ZNF83: variants seen among roughly 807,000 people sequenced by gnomAD.
ZNF83 encodes zinc finger protein 816B.
For synonymous variants in ZNF83, 209 were observed against 213.0 expected (o/e 0.98, Z 0.17); for missense variants, 552 against 629.9 (o/e 0.88, Z 1.32).
chr19:52,619,118 A>G, intron 2 of ZNF83: 1 of 1,586,742 alleles, frequency 6.3e-7, no homozygotes, highest in South Asian at 1.1e-5. Context: ...TTATCTTTAC[A>G]GAAAATGAGG....
upstream of ZNF83, among the ~76,000 whole-genome samples, chr19:52,639,419 T>TTTTTTC (rs1568556739): frequency 7.3e-6 from 1 of 137,714 alleles, no homozygotes; most frequent in African/African-American, 2.8e-5. Context: ...TTTTCTATTT[T>TTTTTTC]TTTTTTTTTT....
intron 2 of ZNF83, among the ~76,000 whole-genome samples, chr19:52,631,855 C>A (rs1378711854): frequency 6.6e-6 from 1 of 152,098 alleles, no homozygotes; most frequent in Non-Finnish European, 1.5e-5. Context: ...CATTTCCTTT[C>A]CATCGTGGAA....
At position 52,683,140 on chromosome 19, in the gene ZNF83, C is replaced by CAA. The variant is rs1568584662; in HGVS notation, c.-283+7302_-283+7303insTT. Among the ~76,000 whole-genome samples the CAA allele has an allele frequency of 3.3e-5, 5 of 152,162 alleles. No individual in the cohort carries two copies. The South Asian group carries it at 6.2e-4, about 19-fold the overall frequency. The stretch of plus-strand genomic sequence containing the variant: ...CCGCCTTGGCCTCCCAAAGTGCTGG[C>CAA]ATTACAGGGGTGAGCCACCACAGCC... On this transcript the variant is annotated intron_variant, in intron 1 of 5. Coordinates refer to the ZNF83 transcript ENST00000594682.
chr19:52,661,133 G>A (rs925148559), intron 1 of ZNF83, among the ~76,000 whole-genome samples: 4 of 152,058 alleles, frequency 2.6e-5, no homozygotes, highest in African/African-American at 4.8e-5. Context: ...AAAGAGCTAT[G>A]ATTACAGGGG....
chr19:52,638,685 A>G (rs2061238265), upstream of ZNF83, among the ~76,000 whole-genome samples: 2 of 152,184 alleles, frequency 1.3e-5, no homozygotes, highest in African/African-American at 4.8e-5. Context: ...AGCCCACAGA[A>G]CCGAATAGAA....
chr19:52,620,254 C>CTGTGTG (rs200450539), intron 2 of ZNF83, among the ~76,000 whole-genome samples: 24 of 134,440 alleles, frequency 1.8e-4, no homozygotes, highest in African/African-American at 6.8e-4. Flanking sequence ...GTGTGTATAT[C>CTGTGTG]TGTGTGTGTA....
chr19:52,684,868 G>A (rs2147366840), intron 1 of ZNF83, among the ~76,000 whole-genome samples: 2 of 152,324 alleles, frequency 1.3e-5, no homozygotes, highest in Non-Finnish European at 2.9e-5. Flanking sequence ...GACACTGGCA[G>A]GGGCCCTGGA....
exon 3 of ZNF83, chr19:52,614,392 C>T (rs566790486): frequency 6.2e-6 from 10 of 1,613,158 alleles, no homozygotes; most frequent in African/African-American, 1.3e-5. Context: ...AGAAGAAATA[C>T]GTTGGGGTGG....
chr19:52,672,842 C>T (rs186169508), intron 1 of ZNF83, among the ~76,000 whole-genome samples: 11 of 152,196 alleles, frequency 7.2e-5, no homozygotes, highest in African/African-American at 2.6e-4. Flanking sequence ...TTCCAAAGTG[C>T]TGGGATTACA....
At chr19:52,641,751 T>G (rs2061308865), upstream of ZNF83, among the ~76,000 whole-genome samples, 1 of 152,200 alleles carries the variant, frequency 6.6e-6, no homozygotes, top group Admixed American at 6.5e-5. Flanking sequence ...TCAATCAATT[T>G]AGAAATCTCC....
intron 1 of ZNF83, among the ~76,000 whole-genome samples, chr19:52,663,178 A>G (rs1218110272): frequency 6.6e-6 from 1 of 152,232 alleles, no homozygotes; most frequent in East Asian, 1.9e-4. Flanking sequence ...AGGAAAAAAA[A>G]AATTCCAGGA....
At chr19:52,687,475 T>TCTATATAAC (rs1491171069) in intron 1 of ZNF83, among the ~76,000 whole-genome samples, 1 of 57,454 alleles carries the variant, frequency 1.7e-5, no homozygotes, top group Non-Finnish European at 3.0e-5. Context: ...AATTTATATA[T>TCTATATAAC]CTATATAAAT....
exon 1 of ZNF83, chr19:52,638,351 G>A (rs1331230170): frequency 1.3e-5 from 2 of 151,066 alleles, no homozygotes; most frequent in Non-Finnish European, 2.9e-5. Context: ...TCCGCTTCCG[G>A]GTTTGCGCGC....
intron 1 of ZNF83, among the ~76,000 whole-genome samples, chr19:52,666,783 T>C (rs2061659680): frequency 6.6e-6 from 1 of 152,158 alleles, no homozygotes; most frequent in Non-Finnish European, 1.5e-5. Context: ...TTATTTACCA[T>C]GCAAAGGTCT....
At chr19:52,622,894 C>T (rs1356558801) in intron 2 of ZNF83, among the ~76,000 whole-genome samples, 2 of 152,246 alleles carry the variant, frequency 1.3e-5, no homozygotes, top group Non-Finnish European at 2.9e-5. Flanking sequence ...CAATGCATTT[C>T]TGAGTTACAA....
intron 1 of ZNF83, among the ~76,000 whole-genome samples, chr19:52,681,932 C>T (rs1379489331): frequency 1.3e-5 from 2 of 152,186 alleles, no homozygotes; most frequent in African/African-American, 4.8e-5. Flanking sequence ...ACTGCAACCT[C>T]GTTTGCCCAG....
intron 3 of ZNF83, among the ~76,000 whole-genome samples, chr19:52,647,160 A>G (rs1373064229): frequency 1.3e-5 from 2 of 152,126 alleles, no homozygotes; most frequent in Non-Finnish European, 2.9e-5. Flanking sequence ...ACCACCCTGC[A>G]AAAAGGGAAG....
At chr19:52,617,263 C>T (rs908469965) in intron 2 of ZNF83, 1 of 152,148 alleles carries the variant, frequency 6.6e-6, no homozygotes, top group Admixed American at 6.5e-5. Flanking sequence ...CTTGGTAATC[C>T]TTCCTAGACA....
intron 2 of ZNF83, chr19:52,616,600 T>G (rs2060313822): frequency 6.6e-6 from 1 of 152,080 alleles, no homozygotes; most frequent in African/African-American, 2.4e-5. Flanking sequence ...TCCCAGCACT[T>G]TGGGAGGCTG....
Sources: gnomAD v4.1 joint callset for allele counts (sites outside exome capture counted in the v4.1 genomes callset) on GRCh38, gnomAD v4.1.1 for gene constraint, MANE v1.5 for transcripts, NCBI Gene and HGNC (gene_info 2026-07-23, HGNC 2026-07-21) for gene names.